SNTB2: variants seen among roughly 807,000 people sequenced by gnomAD.
SNTB2 encodes syntrophin beta 2.
Under a neutral mutation model 46.2 loss-of-function variants are expected in SNTB2, and 34 were observed. The observed-to-expected ratio is 0.74, with a 90% CI of 0.56 to 0.98. The LOEUF (loss-of-function observed/expected upper bound fraction) is 0.98, where lower values mean the gene tolerates loss of function less well. Ranked by LOEUF, SNTB2 falls within the 50% of genes least tolerant of loss-of-function variation. SNTB2 has a pLI of 0.00. For synonymous variants in SNTB2, 290 were observed against 312.6 expected (o/e 0.93, Z 0.76); for missense variants, 603 against 731.4 (o/e 0.82, Z 2.02).
intron 1 of SNTB2, among the ~76,000 whole-genome samples, chr16:69,192,816 T>C (rs1010459341): frequency 1.3e-5 from 2 of 152,208 alleles, no homozygotes; most frequent in Admixed American, 1.3e-4. Context: ...GATTATGGTG[T>C]CATAGATTTG....
intron 2 of SNTB2, among the ~76,000 whole-genome samples, chr16:69,257,259 T>A (rs917247223): frequency 6.6e-6 from 1 of 151,658 alleles, no homozygotes; most frequent in Non-Finnish European, 1.5e-5. Flanking sequence ...TATGTCTTAA[T>A]ATGTTTAGGT....
chr16:69,284,894 G>T (rs1965087350), intron 5 of SNTB2, among the ~76,000 whole-genome samples: 1 of 152,154 alleles, frequency 6.6e-6, no homozygotes. Flanking sequence ...GGCAACCAGA[G>T]TGAGACCCTG....
chr16:69,283,023 C>T (rs1254089668), intron 4 of SNTB2, among the ~76,000 whole-genome samples: 3 of 152,198 alleles, frequency 2.0e-5, no homozygotes, highest in African/African-American at 7.2e-5. Flanking sequence ...TGGCTCATGG[C>T]AGCCTCAACC....
intron 1 of SNTB2, among the ~76,000 whole-genome samples, chr16:69,210,378 C>T (rs1295515793): frequency 6.6e-6 from 1 of 151,468 alleles, no homozygotes; most frequent in Admixed American, 6.6e-5. Context: ...GCTGGGATTA[C>T]AGGCACGTGC....
intron 1 of SNTB2, among the ~76,000 whole-genome samples, chr16:69,210,968 G>GC (rs1214906092): frequency 6.6e-6 from 1 of 152,080 alleles, no homozygotes; most frequent in African/African-American, 2.4e-5. Flanking sequence ...TCCAGCCTGG[G>GC]CCACAGAGCG....
chr16:69,188,304 T>C (rs1236767813), intron 1 of SNTB2, among the ~76,000 whole-genome samples: 2 of 152,198 alleles, frequency 1.3e-5, no homozygotes, highest in Admixed American at 1.3e-4. Context: ...ACAGCAAGTC[T>C]GTGTGGTTAA....
intron 1 of SNTB2, among the ~76,000 whole-genome samples, chr16:69,241,616 GTC>G (rs947220964): frequency 2.3e-4 from 34 of 150,136 alleles, no homozygotes; most frequent in African/African-American, 7.8e-4. Context: ...GTGAAACCCC[GTC>G]TCTACTAAAA....
chr16:69,280,531 G>A (rs1280649723), intron 4 of SNTB2, among the ~76,000 whole-genome samples: 6 of 139,926 alleles, frequency 4.3e-5, no homozygotes, highest in Non-Finnish European at 7.4e-5. Context: ...CGGCTGGCCG[G>A]GCGGGGGGCT....
intron 1 of SNTB2, among the ~76,000 whole-genome samples, chr16:69,243,039 A>G (rs1964633765): frequency 6.6e-6 from 1 of 151,592 alleles, no homozygotes; most frequent in African/African-American, 2.4e-5. Context: ...AAAAAAAAAA[A>G]AAGGGATACA....
At chr16:69,278,671 G>A (rs1361279303) in intron 4 of SNTB2, among the ~76,000 whole-genome samples, 1 of 152,182 alleles carries the variant, frequency 6.6e-6, no homozygotes, top group Non-Finnish European at 1.5e-5. Flanking sequence ...GGCCAGGCTG[G>A]TCTCAAACTC....
At chr16:69,213,634 G>C (rs1964312761) in intron 1 of SNTB2, among the ~76,000 whole-genome samples, 1 of 151,728 alleles carries the variant, frequency 6.6e-6, no homozygotes, top group African/African-American at 2.4e-5. Context: ...CAAGTAGCTG[G>C]GAGTACAGGC....
chr16:69,195,156 A>G (rs41506547), intron 1 of SNTB2, among the ~76,000 whole-genome samples: 2,772 of 152,342 alleles, frequency 0.018, 84 homozygotes, highest in African/African-American at 0.062. Flanking sequence ...ATAGAGCTCA[A>G]CAAAAGTATA....
At chr16:69,201,565 A>G (rs1478373931) in intron 1 of SNTB2, among the ~76,000 whole-genome samples, 1 of 152,222 alleles carries the variant, frequency 6.6e-6, no homozygotes, top group Non-Finnish European at 1.5e-5. Context: ...GAGGGTGGGT[A>G]ACGTTGCTAA....
At chr16:69,248,150 G>A (rs1327695054) in intron 2 of SNTB2, among the ~76,000 whole-genome samples, 1 of 152,086 alleles carries the variant, frequency 6.6e-6, no homozygotes, top group Non-Finnish European at 1.5e-5. Context: ...TGACTACTAT[G>A]TAAACACATT....
chr16:69,249,507 T>G (rs181965531), intron 2 of SNTB2, among the ~76,000 whole-genome samples: 41 of 152,356 alleles, frequency 2.7e-4, no homozygotes, highest in African/African-American at 9.4e-4. Context: ...CGTCATTCAC[T>G]AAGGATTGAA....
At chr16:69,214,772 C>A (rs910878136) in intron 1 of SNTB2, among the ~76,000 whole-genome samples, 1 of 150,040 alleles carries the variant, frequency 6.7e-6, no homozygotes, top group Non-Finnish European at 1.5e-5. Context: ...GGTGATCCAC[C>A]CATCTCAGCC....
At chr16:69,208,991 T>TGTGTGTGTGTGTGTGTGTG (rs1567397568) in intron 1 of SNTB2, among the ~76,000 whole-genome samples, 2 of 150,848 alleles carry the variant, frequency 1.3e-5, no homozygotes, top group African/African-American at 5.0e-5. Context: ...TGTGTGTGTG[T>TGTGTGTGTGTGTGTGTGTG]TTTTGAGATG....
chr16:69,187,431 C>G lies in SNTB2; in HGVS notation c.265C>G (p.Arg89Gly), dbSNP rs1964000722. 8.4e-7 allele frequency: 1 copy of G among 1,190,212 alleles called. No homozygotes were observed. Among genetic ancestry groups the G allele is most frequent in the Non-Finnish European group, 1.0e-6 (1 of 963,212 alleles). The allele number at this position is 1,190,212 out of a possible 1,614,324, so 73.7% of individuals were successfully genotyped here. The change falls in exon 1 of 7, where the codon CGC becomes GGC. Residue 89 changes from arginine (R) to glycine (G), a missense_variant. Around this residue, in one of 2 missense-constraint regions of SNTB2, gnomAD observed 537 missense variants for 692.4 expected, o/e 0.78. Transcript: ENST00000336278. ...CGACTCGCTGCCCGGGAGCCCAAGC[C>G]GCGGCCTGGGGCCCCCGAGCCCGCC... ...AGDSLPGSPS[R>G]GLGPPSPPAP... is the part of the protein sequence containing the mutation.
chr16:69,187,998 C>T lies in SNTB2; in HGVS notation c.580+252C>T, dbSNP rs117284643. Among the ~76,000 whole-genome samples, 229 of 152,210 alleles carry T rather than the reference C, an allele frequency of 1.5e-3. 5 individuals carry two copies. In the East Asian group the frequency reaches 0.04, roughly 26 times the overall value. On this transcript the variant is annotated intron_variant, in intron 1 of 6. Transcript: ENST00000336278. The stretch of plus-strand genomic sequence containing the variant: ...AGTAAAAAGCAGCTGCCTATGAAGC[C>T]CCACCTCGGCCCGATAAGCTGACAC...
Sources: allele counts gnomAD v4.1 joint callset (sites outside exome capture counted in the v4.1 genomes callset), GRCh38; gene constraint gnomAD v4.1.1; regional missense constraint gnomAD v4.1.1; transcripts MANE v1.5; gene names NCBI Gene and HGNC (gene_info 2026-07-23, HGNC 2026-07-21).